Variants in SLC4A1AP observed in about 807,000 individuals in gnomAD.
The protein encoded by SLC4A1AP is solute carrier family 4 member 1 adaptor protein, also known as kanadaptin.
In SLC4A1AP, 64 loss-of-function variants were observed where a neutral mutation model predicts 89.7. The ratio of observed to expected loss-of-function variants is 0.71; its 90% CI spans 0.58 to 0.88. SLC4A1AP has a LOEUF of 0.88. SLC4A1AP is among the 40% of genes least tolerant of loss of function. The pLI, the probability that SLC4A1AP is intolerant of heterozygous loss-of-function variation, is 0.00. For synonymous variants in SLC4A1AP, 366 were observed against 353.3 expected (o/e 1.04, Z -0.40); for missense variants, 931 against 965.0 (o/e 0.96, Z 0.47).
At chr2:27,683,660 G>A (rs1301088309) in intron 9 of SLC4A1AP, among the ~76,000 whole-genome samples, 1 of 152,136 alleles carries the variant, frequency 6.6e-6, no homozygotes, top group Non-Finnish European at 1.5e-5. Flanking sequence ...GCAGCAGGGG[G>A]CACAATTCGT....
chr2:27,679,612 A>G (rs949342923), intron 8 of SLC4A1AP, among the ~76,000 whole-genome samples: 1 of 152,198 alleles, frequency 6.6e-6, no homozygotes, highest in African/African-American at 2.4e-5. Flanking sequence ...AAAAAAATAA[A>G]TAAATTATGG....
intron 6 of SLC4A1AP, among the ~76,000 whole-genome samples, chr2:27,676,191 G>A (rs1675519515): frequency 6.6e-6 from 1 of 152,134 alleles, no homozygotes; most frequent in African/African-American, 2.4e-5. Flanking sequence ...AAAAACATAA[G>A]ATTAATAATG....
At chr2:27,674,955 T>C (rs1288066074) in intron 5 of SLC4A1AP, among the ~76,000 whole-genome samples, 1 of 152,182 alleles carries the variant, frequency 6.6e-6, no homozygotes, top group Non-Finnish European at 1.5e-5. Flanking sequence ...CCATCCCCCT[T>C]CAGCCTCCCA....
Position 27,694,956 on chromosome 2 carries a change from TAAG to T in SLC4A1AP, c.*277_*279del, listed in dbSNP as rs1230800613. On this transcript the variant is annotated 3_prime_UTR_variant, in exon 14 of 14. Transcript: ENST00000613058. ...AGTGAGAGACATGATCCTATTAAAA[TAAG>T]AAGGCAAAAATGTTCCTAATATTTT... 55 of 311,368 alleles carry T rather than the reference TAAG, an allele frequency of 1.8e-4. No individual in the cohort carries two copies. In the East Asian group the frequency reaches 2.7e-3, roughly 16 times the overall value. The allele number at this position is 311,368 out of a possible 1,614,324, so 19.3% of individuals were successfully genotyped here.
In SLC4A1AP at chr2:27,667,414, A is replaced by G. The variant is rs202163610; in HGVS notation, c.1144+24A>G. The G allele has an allele frequency of 6.3e-4, 1,003 of 1,601,596 alleles. 5 individuals carry two copies. The African/African-American group carries it at 0.012, about 20-fold the overall frequency. On this transcript the variant is annotated intron_variant, in intron 3 of 13. Coordinates refer to ENST00000613058, the Ensembl canonical transcript of SLC4A1AP. ...AGGTATGTAAACAGATTCTGACCCT[A>G]CCACTAAAACATATCCAGAGCAGTG...
intron 5 of SLC4A1AP, among the ~76,000 whole-genome samples, 196 bp from the exon 6 acceptor site, chr2:27,675,336 C>T (rs549341286): frequency 3.5e-4 from 53 of 152,230 alleles, no homozygotes; most frequent in Admixed American, 1.7e-3. Context: ...AGTAAGTGTC[C>T]TTTTATATAT....
intron 2 of SLC4A1AP, among the ~76,000 whole-genome samples, chr2:27,666,056 A>C (rs1370519642): frequency 5.3e-5 from 8 of 152,242 alleles, no homozygotes; most frequent in Non-Finnish European, 1.2e-4. Context: ...TGTGTGCTGT[A>C]AATGCAAAAT....
At chr2:27,686,020 A>G (rs1431591740) in intron 10 of SLC4A1AP, among the ~76,000 whole-genome samples, 1 of 152,152 alleles carries the variant, frequency 6.6e-6, no homozygotes, top group African/African-American at 2.4e-5. Context: ...TCCCTTGTCA[A>G]CTGCAGGGGT....
chr2:27,674,912 A>G (rs767859855), intron 5 of SLC4A1AP, among the ~76,000 whole-genome samples: 15 of 152,112 alleles, frequency 9.9e-5, no homozygotes, highest in Non-Finnish European at 1.8e-4. Flanking sequence ...GGGTTTCACC[A>G]TGTTGGTGAG....
At chr2:27,686,593 C>T (rs1264134630) in intron 10 of SLC4A1AP, among the ~76,000 whole-genome samples, 4 of 152,050 alleles carry the variant, frequency 2.6e-5, no homozygotes, top group East Asian at 3.9e-4. Context: ...GGTGAGACCC[C>T]GTCTCTACTA....
intron 3 of SLC4A1AP, 110 bp downstream of exon 3, chr2:27,667,500 C>A: frequency 9.5e-7 from 1 of 1,057,656 alleles, no homozygotes; most frequent in Non-Finnish European, 1.3e-6. Flanking sequence ...TTATTGCTGT[C>A]CTTCTTGTTC....
At chr2:27,677,421 A>G (rs1675542175) in intron 7 of SLC4A1AP, 57 bp downstream of exon 7, 2 of 1,159,800 alleles carry the variant, frequency 1.7e-6, no homozygotes, top group South Asian at 2.6e-5. Context: ...TATGCTAGGC[A>G]CTGGGGCTAC....
At chr2:27,686,668 C>T (rs879589959) in intron 10 of SLC4A1AP, among the ~76,000 whole-genome samples, 1 of 152,052 alleles carries the variant, frequency 6.6e-6, no homozygotes, top group Non-Finnish European at 1.5e-5. Flanking sequence ...CTCAGGAGGG[C>T]TCTGAGCAGG....
chr2:27,675,021 T>C (rs1236682122), intron 5 of SLC4A1AP, among the ~76,000 whole-genome samples: 1 of 152,226 alleles, frequency 6.6e-6, no homozygotes, highest in Non-Finnish European at 1.5e-5. Flanking sequence ...AGCCGTTTGC[T>C]CATTAAATAA....
chr2:27,680,838 TAA>T (rs766818052), intron 8 of SLC4A1AP, among the ~76,000 whole-genome samples: 1 of 128,240 alleles, frequency 7.8e-6, no homozygotes. Context: ...CAAGAAGAAT[TAA>T]AAAAAAAAAA....
chr2:27,682,383 A>C (rs1675633460), intron 9 of SLC4A1AP, 24 bp downstream of exon 9: 3 of 1,452,976 alleles, frequency 2.1e-6, no homozygotes, highest in Middle Eastern at 1.8e-4. Context: ...CAGGGTGTTA[A>C]ACTTTTAGCC....
chr2:27,672,606 G>T (rs1188273903), intron 5 of SLC4A1AP, among the ~76,000 whole-genome samples: 1 of 152,038 alleles, frequency 6.6e-6, no homozygotes, highest in African/African-American at 2.4e-5. Flanking sequence ...TGTTCTGCAT[G>T]TTAAAGGCTT....
chr2:27,674,993 T>C (rs181955280), intron 5 of SLC4A1AP, among the ~76,000 whole-genome samples: 66 of 152,266 alleles, frequency 4.3e-4, no homozygotes, highest in African/African-American at 1.5e-3. Flanking sequence ...TGCCTGGCCA[T>C]CCTCATTGAT....
intron 7 of SLC4A1AP, 60 bp downstream of exon 7, chr2:27,677,424 G>A (rs770988238): frequency 2.7e-6 from 3 of 1,119,694 alleles, no homozygotes; most frequent in Non-Finnish European, 4.0e-6. Context: ...GCTAGGCACT[G>A]GGGCTACATT....
Sources: allele counts gnomAD v4.1 joint callset (sites outside exome capture counted in the v4.1 genomes callset), GRCh38; gene constraint gnomAD v4.1.1; transcripts MANE v1.5; gene names NCBI Gene and HGNC (gene_info 2026-07-23, HGNC 2026-07-21).